Variants in ALCAM observed in about 807,000 individuals in gnomAD.
ALCAM encodes activated leukocyte cell adhesion molecule.
A neutral mutation model predicts 70.9 loss-of-function variants in ALCAM; 30 were observed. The observed-to-expected ratio is 0.42, with a 90% CI of 0.32 to 0.57. ALCAM has a LOEUF of 0.57. Ranked by LOEUF, ALCAM falls within the 20% of genes least tolerant of loss-of-function variation. ALCAM has a pLI of 0.11. For missense variants in ALCAM, 591 were observed against 695.1 expected, an observed-to-expected ratio of 0.85 and a Z score of 1.68; for synonymous variants, 249 against 242.5, an observed-to-expected ratio of 1.03 and a Z score of -0.25.
At chr3:105,487,282 C>T (rs1177026288) in intron 1 of ALCAM, among the ~76,000 whole-genome samples, 1 of 152,066 alleles carries the variant, frequency 6.6e-6, no homozygotes. Flanking sequence ...AAGGGAGATT[C>T]CAGGTAAATT....
At chr3:105,525,453 A>C in intron 3 of ALCAM, 1 of 704,354 alleles carries the variant, frequency 1.4e-6, no homozygotes, top group Non-Finnish European at 1.7e-6. Flanking sequence ...CAGGTCTCAA[A>C]AGTTTCAGAA....
In ALCAM at chr3:105,504,262, T is replaced by G. The variant is rs1359074695; in HGVS notation, c.74-15805T>G. ...ATGGAGCTCCGACCCTATCGCAGTGTCTTGTGCTCTTTTAGTTTCGCCGTC... is the reference window on the plus strand; with the variant it reads ...ATGGAGCTCCGACCCTATCGCAGTGGCTTGTGCTCTTTTAGTTTCGCCGTC... On this transcript the variant is annotated intron_variant, in intron 1 of 15. Transcript: ENST00000306107. 2.0e-5 allele frequency among the ~76,000 whole-genome samples: 3 copies of G among 152,256 alleles called. No homozygotes were observed. The East Asian group carries it at 5.8e-4, about 29-fold the overall frequency.
intron 1 of ALCAM, among the ~76,000 whole-genome samples, chr3:105,382,186 A>G (rs886429295): frequency 2.0e-4 from 30 of 148,060 alleles, no homozygotes; most frequent in Admixed American, 2.0e-3. Flanking sequence ...GAGAACATGC[A>G]GTGTTTGGTT....
chr3:105,414,286 C>T (rs1029127985), intron 1 of ALCAM, among the ~76,000 whole-genome samples: 7 of 150,646 alleles, frequency 4.6e-5, no homozygotes, highest in Admixed American at 1.3e-4. Context: ...TGTGGTGCTG[C>T]GCACCTATGG....
At chr3:105,392,180 C>T in intron 1 of ALCAM, among the ~76,000 whole-genome samples, 1 of 151,930 alleles carries the variant, frequency 6.6e-6, no homozygotes, top group African/African-American at 2.4e-5. Flanking sequence ...TAGAATTCAG[C>T]TGTAAATCCT....
In ALCAM at chr3:105,575,103, A is replaced by G. The variant is rs1009961371; in HGVS notation, c.*652A>G. On this transcript the variant is annotated 3_prime_UTR_variant, in exon 16 of 16. Coordinates refer to ENST00000306107, the MANE Select transcript of ALCAM (RefSeq NM_001627.4). ...TCTCAGAAATAAATCACAGATGCATATAGACACACATACATAATGGTACTC... is the reference window on the plus strand; with the variant it reads ...TCTCAGAAATAAATCACAGATGCATGTAGACACACATACATAATGGTACTC... The G allele has an allele frequency of 6.6e-6, 1 of 152,642 alleles. No individual in the cohort carries two copies. The highest frequency in any genetic ancestry group is 2.4e-5 in the African/African-American group (1 of 41,462). 9.5% of individuals were successfully genotyped at this position (152,642 alleles called of 1,614,324 possible).
rs541677886 is a variant in ALCAM, at chr3:105,409,115, C to A, written c.73+41634C>A. On this transcript the variant is annotated intron_variant, in intron 1 of 15. Coordinates refer to ENST00000306107, the MANE Select transcript of ALCAM (RefSeq NM_001627.4). ...CTGTTGGAGGGAATGTAAACTAGTA[C>A]AACCACTATGGAAAAACAATGTGGA... Among the ~76,000 whole-genome samples, 4 of 152,112 alleles carry A rather than the reference C, an allele frequency of 2.6e-5. No homozygotes were observed. The South Asian group carries it at 8.3e-4, about 32-fold the overall frequency.
At chr3:105,487,207 G>A (rs1347738044) in intron 1 of ALCAM, among the ~76,000 whole-genome samples, 1 of 152,008 alleles carries the variant, frequency 6.6e-6, no homozygotes, top group Admixed American at 6.6e-5. Flanking sequence ...TGGATAACAA[G>A]GATCCGTCCC....
intron 1 of ALCAM, among the ~76,000 whole-genome samples, chr3:105,381,281 C>T (rs953122229): frequency 1.3e-5 from 2 of 151,914 alleles, no homozygotes; most frequent in African/African-American, 4.8e-5. Flanking sequence ...CCAACTGATT[C>T]ACATAGATAT....
intron 1 of ALCAM, among the ~76,000 whole-genome samples, chr3:105,435,998 C>CACATCTT (rs1301400960): frequency 6.6e-6 from 1 of 152,152 alleles, no homozygotes; most frequent in Non-Finnish European, 1.5e-5. Context: ...AGGAGCAAGT[C>CACATCTT]ACATCTTACA....
intron 1 of ALCAM, among the ~76,000 whole-genome samples, chr3:105,458,817 C>T (rs1305658988): frequency 3.9e-5 from 6 of 152,136 alleles, no homozygotes; most frequent in Admixed American, 3.3e-4. Flanking sequence ...TTAGCTGTCT[C>T]TTTATTTGGG....
intron 14 of ALCAM, among the ~76,000 whole-genome samples, chr3:105,558,799 A>C (rs1314953380): frequency 6.6e-6 from 1 of 152,114 alleles, no homozygotes; most frequent in Non-Finnish European, 1.5e-5. Flanking sequence ...CCCTGCATGT[A>C]ACCTGCCAGC....
At chr3:105,456,110 A>C (rs764239409) in intron 1 of ALCAM, among the ~76,000 whole-genome samples, 2 of 152,162 alleles carry the variant, frequency 1.3e-5, no homozygotes, top group Non-Finnish European at 2.9e-5. Context: ...ACAAACAAAC[A>C]AAAAAGTAGG....
chr3:105,396,681 C>T (rs1372721170), intron 1 of ALCAM, among the ~76,000 whole-genome samples: 1 of 151,972 alleles, frequency 6.6e-6, no homozygotes, highest in African/African-American at 2.4e-5. Context: ...ACTGCCCAGT[C>T]CTCTGTCTGT....
chr3:105,452,735 C>T (rs908639467), intron 1 of ALCAM, among the ~76,000 whole-genome samples: 1 of 152,028 alleles, frequency 6.6e-6, no homozygotes, highest in African/African-American at 2.4e-5. Flanking sequence ...CACCAATATC[C>T]ACTGTTTCCT....
intron 1 of ALCAM, among the ~76,000 whole-genome samples, chr3:105,414,043 A>G (rs913276575): frequency 6.6e-6 from 1 of 152,126 alleles, no homozygotes; most frequent in Non-Finnish European, 1.5e-5. Context: ...TAGTGACTTA[A>G]AATCCAGTGA....
intron 1 of ALCAM, among the ~76,000 whole-genome samples, chr3:105,380,217 AAGCT>A (rs1257768178): frequency 3.3e-5 from 5 of 151,722 alleles, no homozygotes; most frequent in Non-Finnish European, 7.4e-5. Flanking sequence ...TTGTATTTTC[AAGCT>A]AAATTGATAT....
chr3:105,521,684 T>C (rs761269436), intron 2 of ALCAM, among the ~76,000 whole-genome samples: 25 of 152,142 alleles, frequency 1.6e-4, no homozygotes, highest in Admixed American at 1.3e-3. Context: ...GAAATTGATA[T>C]CAAAATACTT....
rs891860956 is a variant in ALCAM, at chr3:105,434,901, C to T, written c.73+67420C>T. ...TGTCAACCAGTTTCTTCATGTGAAA[C>T]GCATCCTAAACTTAATATTTTAAAA... On this transcript the variant is annotated intron_variant, in intron 1 of 15. Coordinates refer to ENST00000306107, the MANE Select transcript of ALCAM (RefSeq NM_001627.4). Among the ~76,000 whole-genome samples the T allele has an allele frequency of 3.3e-5, 5 of 152,212 alleles. No individual in the cohort carries two copies. The East Asian group carries it at 5.8e-4, about 18-fold the overall frequency.
Sources: gnomAD v4.1 joint callset for allele counts (sites outside exome capture counted in the v4.1 genomes callset) on GRCh38, gnomAD v4.1.1 for gene constraint, MANE v1.5 for transcripts, NCBI Gene and HGNC (gene_info 2026-07-23, HGNC 2026-07-21) for gene names.